The following NSG2 variants were observed in gnomAD, a reference collection of about 807,000 sequenced individuals.
The protein encoded by NSG2 is neuronal vesicle trafficking-associated protein 2.
In NSG2, 4 loss-of-function variants were observed where a neutral mutation model predicts 16.9. The ratio of observed to expected loss-of-function variants is 0.24; its 90% CI spans 0.12 to 0.54. The LOEUF (loss-of-function observed/expected upper bound fraction) is 0.54, where lower values mean the gene tolerates loss of function less well. Among genes scored for constraint, NSG2 ranks in the 20% least tolerant of loss-of-function variants. The probability of loss-of-function intolerance (pLI) is 0.95; values close to 1 mark genes in which losing one functional copy is unlikely to be tolerated. For missense variants in NSG2, 179 were observed against 221.1 expected (o/e 0.81, Z 1.21); for synonymous variants, 98 against 88.7 (o/e 1.11, Z -0.59).
chr5:174,099,757 A>T (rs1259574889), intron 3 of NSG2, among the ~76,000 whole-genome samples: 3 of 151,816 alleles, frequency 2.0e-5, no homozygotes, highest in Admixed American at 2.0e-4. Context: ...TCTTCCCCTC[A>T]TCCTAATGTT....
intron 3 of NSG2, among the ~76,000 whole-genome samples, chr5:174,095,433 T>G (rs1760781203): frequency 6.6e-6 from 1 of 152,120 alleles, no homozygotes; most frequent in African/African-American, 2.4e-5. Flanking sequence ...GGGCTTGTGG[T>G]GAGCGCAGGT....
chr5:174,058,293 T>A (rs755715742), intron 2 of NSG2, among the ~76,000 whole-genome samples: 1 of 152,084 alleles, frequency 6.6e-6, no homozygotes, highest in Non-Finnish European at 1.5e-5. Context: ...TAGCCAGGTG[T>A]GGTGGCACAT....
At chr5:174,050,474 A>G (rs2113418048) in intron 2 of NSG2, among the ~76,000 whole-genome samples, 3 of 152,136 alleles carry the variant, frequency 2.0e-5, no homozygotes, top group Middle Eastern at 6.8e-3. Context: ...ATCTCAGTGC[A>G]CCCATTTCAC....
At chr5:174,085,974 A>G (rs1157372479) in intron 3 of NSG2, among the ~76,000 whole-genome samples, 1 of 152,198 alleles carries the variant, frequency 6.6e-6, no homozygotes, top group East Asian at 1.9e-4. Context: ...AGGGATGCTC[A>G]ATGAATATTA....
At chr5:174,064,037 T>G (rs535273742) in intron 2 of NSG2, among the ~76,000 whole-genome samples, 195 bp from the exon 3 acceptor site, 17 of 152,306 alleles carry the variant, frequency 1.1e-4, no homozygotes, top group African/African-American at 4.1e-4. Flanking sequence ...TAATCAAAGT[T>G]GTTACCTAGG....
intron 3 of NSG2, among the ~76,000 whole-genome samples, chr5:174,088,710 C>G (rs1760672915): frequency 6.6e-6 from 1 of 152,170 alleles, no homozygotes; most frequent in Admixed American, 6.5e-5. Flanking sequence ...CATTTCCACA[C>G]AATGATTTCA....
chr5:174,093,457 G>A lies in NSG2; in HGVS notation c.214-10771G>A, dbSNP rs1760750607. ...CTTTCCCAGGTTCATTGGTGAGCAG[G>A]TGGCGAGCTGTGCTTTCAGTCTAGA... is the stretch of plus-strand genomic sequence containing the variant. On this transcript the variant is annotated intron_variant, in intron 3 of 4. Coordinates refer to ENST00000303177, the MANE Select transcript of NSG2 (RefSeq NM_015980.5). Among the ~76,000 whole-genome samples the A allele has an allele frequency of 3.3e-5, 5 of 152,338 alleles. No individual in the cohort carries two copies. The South Asian group carries it at 1.0e-3, about 32-fold the overall frequency.
intron 4 of NSG2, among the ~76,000 whole-genome samples, chr5:174,106,352 C>T (rs1028899021): frequency 2.0e-5 from 3 of 152,018 alleles, no homozygotes; most frequent in Non-Finnish European, 2.9e-5. Context: ...CATAAACGTG[C>T]AAAGAAAATA....
chr5:174,048,823 G>T (rs561912068), intron 2 of NSG2, among the ~76,000 whole-genome samples: 1 of 152,250 alleles, frequency 6.6e-6, no homozygotes, highest in South Asian at 2.1e-4. Context: ...AAGCCTGAAG[G>T]ATAATGCATT....
chr5:174,108,088 C>T lies in NSG2; in HGVS notation c.*583C>T, dbSNP rs1448525404. On this transcript the variant is annotated 3_prime_UTR_variant, in exon 5 of 5. Coordinates refer to ENST00000303177, the MANE Select transcript of NSG2 (RefSeq NM_015980.5). ...TTGGCATTACTAAGCCCAGAACGCACATAACCCATAGTGAAATGTGCTGGC... is the reference window on the plus strand; with the variant it reads ...TTGGCATTACTAAGCCCAGAACGCATATAACCCATAGTGAAATGTGCTGGC... The T allele has an allele frequency of 3.6e-6, 1 of 277,718 alleles. No individual in the cohort carries two copies. The highest frequency in any genetic ancestry group is 6.9e-6 in the Non-Finnish European group (1 of 144,102). The allele number at this position is 277,718 out of a possible 1,614,324, so 17.2% of individuals were successfully genotyped here.
At position 174,072,813 on chromosome 5, in the gene NSG2, A is replaced by G. The variant is rs1385971262; in HGVS notation, c.213+8498A>G. On this transcript the variant is annotated intron_variant, in intron 3 of 4. Transcript: ENST00000303177. The surrounding 1 kb of genome is among the most constrained non-coding windows in gnomAD (Gnocchi z 4.0). ...AGCCTGGGCAACATGGCAAAACCCC[A>G]TCTCTACAAAAAATGCAAAAAATTA... is the stretch of plus-strand genomic sequence containing the variant. Among the ~76,000 whole-genome samples, 1 of 152,184 alleles carries G rather than the reference A, an allele frequency of 6.6e-6. No individual in the cohort carries two copies. Among genetic ancestry groups the G allele is most frequent in the African/African-American group, 2.4e-5 (1 of 41,460 alleles).
Position 174,107,457 on chromosome 5 carries a change from A to T in NSG2, c.468A>T (p.Ala156=). 1 of 1,612,390 alleles carries T rather than the reference A, an allele frequency of 6.2e-7. No individual in the cohort carries two copies. The highest frequency in any genetic ancestry group is 2.2e-5 in the East Asian group (1 of 44,808). ...GGGCCATCGGGCCGTGGCTGTCAGC[A>T]GCCGCTGTCATCCATGAGCCCAAGC... is the stretch of plus-strand genomic sequence containing the variant. ...TARAIGPWLS[A]AAVIHEPKPP... Residue 156 remains alanine, a synonymous_variant, in exon 5 of 5, where the codon GCA becomes GCT. Coordinates refer to ENST00000303177, the MANE Select transcript of NSG2 (RefSeq NM_015980.5). This position sits in a 1 kb window ranked among gnomAD's most constrained non-coding sequence, Gnocchi z 4.5.
intron 3 of NSG2, among the ~76,000 whole-genome samples, chr5:174,079,994 G>C (rs1760421502): frequency 6.6e-6 from 1 of 152,106 alleles, no homozygotes; most frequent in African/African-American, 2.4e-5. Context: ...AGCAAGCTGG[G>C]AATCCAAGTT....
At chr5:174,067,835 C>T (rs1561664855) in intron 3 of NSG2, among the ~76,000 whole-genome samples, 1 of 151,964 alleles carries the variant, frequency 6.6e-6, no homozygotes, top group African/African-American at 2.4e-5. Flanking sequence ...AGGACTTGCT[C>T]CTGGTTGGAG....
At chr5:174,066,270 G>A (rs1426129526) in intron 3 of NSG2, 1 of 456,174 alleles carries the variant, frequency 2.2e-6, no homozygotes, top group East Asian at 7.0e-5. Context: ...GTACTTGCAG[G>A]AATAAGCAGG....
chr5:174,107,832 GAAAC>G lies in NSG2; in HGVS notation c.*331_*334del. The G allele has an allele frequency of 2.0e-6, 1 of 493,142 alleles. No homozygotes were observed. The highest frequency in any genetic ancestry group is 1.7e-5 in the South Asian group (1 of 58,734). The allele number at this position is 493,142 out of a possible 1,614,324, so 30.5% of individuals were successfully genotyped here. A position where few individuals can be genotyped will look rare whatever the true frequency, so the allele number is the denominator to read the frequency against. ...GAAAATGTAACAGCAGAAAAGGAAAGAAACAAAGAACATGAACAAAAAGCATTAA... is the reference window on the plus strand; with the variant it reads ...GAAAATGTAACAGCAGAAAAGGAAAGAAAGAACATGAACAAAAAGCATTAA... On this transcript the variant is annotated 3_prime_UTR_variant, in exon 5 of 5. Transcript: ENST00000303177. This position sits in a 1 kb window ranked among gnomAD's most constrained non-coding sequence, Gnocchi z 4.5.
At chr5:174,051,661 G>T (rs1288012572) in intron 2 of NSG2, among the ~76,000 whole-genome samples, 1 of 152,166 alleles carries the variant, frequency 6.6e-6, no homozygotes, top group Admixed American at 6.5e-5. Context: ...ACACAGCAAT[G>T]AAAAGACAGC....
intron 3 of NSG2, among the ~76,000 whole-genome samples, chr5:174,097,658 T>A (rs1204157718): frequency 4.0e-5 from 6 of 150,570 alleles, no homozygotes; most frequent in Admixed American, 4.0e-4. Context: ...TCTCAGTGAG[T>A]GTGTGTGTGA....
chr5:174,066,882 TG>T (rs1760148800), intron 3 of NSG2, among the ~76,000 whole-genome samples: 1 of 143,972 alleles, frequency 6.9e-6, no homozygotes, highest in Non-Finnish European at 1.5e-5. Flanking sequence ...CCCAGCTACT[TG>T]GGAGGCTGAG....
Sources: gnomAD v4.1 joint callset for allele counts (sites outside exome capture counted in the v4.1 genomes callset) on GRCh38, gnomAD v4.1.1 for gene constraint, Gnocchi (gnomAD v3.1) non-coding constraint, MANE v1.5 for transcripts, NCBI Gene and HGNC (gene_info 2026-07-23, HGNC 2026-07-21) for gene names.